Variants in APLP2 observed in about 807,000 individuals in gnomAD.
The protein encoded by APLP2 is amyloid beta precursor like protein 2, also known as CDEI box-binding protein.
A neutral mutation model predicts 89.9 loss-of-function variants in APLP2; 53 were observed. That is an observed-to-expected ratio of 0.59 (90% CI 0.47 to 0.74). The LOEUF is 0.74. Among genes scored for constraint, APLP2 ranks in the 30% least tolerant of loss-of-function variants. The pLI, the probability that APLP2 is intolerant of heterozygous loss-of-function variation, is 0.00. For synonymous variants in APLP2, 372 were observed against 348.6 expected (o/e 1.07, Z -0.75); for missense variants, 973 against 975.9 (o/e 1.00, Z 0.04).
intron 12 of APLP2, among the ~76,000 whole-genome samples, chr11:130,133,947 GC>G (rs1231780022): frequency 6.6e-6 from 1 of 152,214 alleles, no homozygotes; most frequent in Non-Finnish European, 1.5e-5. Context: ...GGAGCCTCGG[GC>G]TTCACTGACC....
Position 130,121,775 on chromosome 11 carries a change from G to GGAAGAT in APLP2, c.684_689dup (p.Asp228_Glu229dup). Reference sequence around the variant, plus strand: ...AGGAAGATGAAGAGGAAGAGGAAGAGGAAGATGAAGAGGAAGACTATGATG... The same window carrying GGAAGAT: ...AGGAAGATGAAGAGGAAGAGGAAGAGGAAGATGAAGATGAAGAGGAAGACTATGATG... On this transcript the variant is annotated inframe_insertion, in exon 5 of 17. Coordinates refer to ENST00000338167, the MANE Select transcript of APLP2 (RefSeq NM_001142276.2). The GGAAGAT allele has an allele frequency of 6.8e-7, 1 of 1,468,850 alleles. No individual in the cohort carries two copies. Among genetic ancestry groups the GGAAGAT allele is most frequent in the Non-Finnish European group, 9.4e-7 (1 of 1,066,554 alleles). 91.0% of individuals were successfully genotyped at this position (1,468,850 alleles called of 1,614,324 possible).
intron 1 of APLP2, among the ~76,000 whole-genome samples, chr11:130,088,467 G>C (rs890731559): frequency 1.3e-5 from 2 of 151,928 alleles, no homozygotes; most frequent in Non-Finnish European, 2.9e-5. Context: ...GAATCATCTA[G>C]GCATATAAAC....
At chr11:130,072,531 A>G (rs1649018090) in intron 1 of APLP2, among the ~76,000 whole-genome samples, 1 of 145,496 alleles carries the variant, frequency 6.9e-6, no homozygotes, top group Non-Finnish European at 1.5e-5. Flanking sequence ...CTGGAGTGCA[A>G]TGGTGGGATC....
At chr11:130,104,434 GTC>G (rs1460980918) in intron 1 of APLP2, among the ~76,000 whole-genome samples, 1 of 151,858 alleles carries the variant, frequency 6.6e-6, no homozygotes, top group Non-Finnish European at 1.5e-5. Flanking sequence ...GGCCAGGCTG[GTC>G]TCGAGCTCCT....
chr11:130,070,972 C>A (rs1940945892), intron 1 of APLP2, among the ~76,000 whole-genome samples: 1 of 152,172 alleles, frequency 6.6e-6, no homozygotes, highest in Admixed American at 6.5e-5. Flanking sequence ...CGGTGCGGGC[C>A]GGAGCGGGCA....
At chr11:130,070,836 G>T in intron 1 of APLP2, 1 of 1,158,746 alleles carries the variant, frequency 8.6e-7, no homozygotes, top group Non-Finnish European at 1.1e-6. Flanking sequence ...TCCTCTTCGG[G>T]TGTCAGAATT....
At chr11:130,080,179 C>CAAAG (rs1942908571) in intron 1 of APLP2, among the ~76,000 whole-genome samples, 2 of 152,056 alleles carry the variant, frequency 1.3e-5, no homozygotes, top group Non-Finnish European at 2.9e-5. Context: ...TTAATAGCCT[C>CAAAG]CTAAGTTTTG....
chr11:130,135,865 T>A (rs1467897806), intron 13 of APLP2, 150 bp downstream of exon 13: 8 of 926,446 alleles, frequency 8.6e-6, no homozygotes, highest in Non-Finnish European at 1.1e-5. Context: ...GAGCGCCTAC[T>A]GTGTGCAAGG....
intron 16 of APLP2, among the ~76,000 whole-genome samples, chr11:130,142,700 G>T (rs1391851173): frequency 6.6e-6 from 1 of 152,166 alleles, no homozygotes; most frequent in African/African-American, 2.4e-5. Context: ...TGCAACCTCT[G>T]TCTCCCGGGT....
At chr11:130,076,686 G>A (rs1242441247) in intron 1 of APLP2, among the ~76,000 whole-genome samples, 1 of 152,108 alleles carries the variant, frequency 6.6e-6, no homozygotes, top group Non-Finnish European at 1.5e-5. Context: ...TGCCTTCCTT[G>A]GGCACACTCC....
chr11:130,080,676 G>A (rs547548385), intron 1 of APLP2, among the ~76,000 whole-genome samples: 2 of 150,626 alleles, frequency 1.3e-5, no homozygotes, highest in African/African-American at 4.9e-5. Context: ...GTGGAGTCCT[G>A]TCAGTTTCTG....
chr11:130,121,964 T>C (rs1030849883), intron 5 of APLP2, among the ~76,000 whole-genome samples, 154 bp downstream of exon 5: 2 of 152,212 alleles, frequency 1.3e-5, no homozygotes, highest in Non-Finnish European at 2.9e-5. Context: ...TTCTAGCCAT[T>C]GCCAATCACA....
chr11:130,126,475 A>G (rs1950375356), intron 7 of APLP2, among the ~76,000 whole-genome samples: 1 of 152,194 alleles, frequency 6.6e-6, no homozygotes. Flanking sequence ...GAAGCTGCCA[A>G]TAAATTGCTG....
intron 7 of APLP2, among the ~76,000 whole-genome samples, chr11:130,125,647 T>C (rs978182844): frequency 6.6e-6 from 1 of 152,244 alleles, no homozygotes; most frequent in Non-Finnish European, 1.5e-5. Context: ...TATATGGTTG[T>C]TTTAATGTAT....
At chr11:130,126,109 A>G (rs758414888) in intron 7 of APLP2, among the ~76,000 whole-genome samples, 25 of 152,324 alleles carry the variant, frequency 1.6e-4, no homozygotes, top group Middle Eastern at 6.8e-3. Flanking sequence ...GGTGGGGCTA[A>G]GAGTCCTTCA....
chr11:130,122,183 G>A (rs1949900385), intron 5 of APLP2, 122 bp from the exon 6 acceptor site: 1 of 1,197,698 alleles, frequency 8.3e-7, no homozygotes, highest in Non-Finnish European at 1.2e-6. Flanking sequence ...GTGGCACGGT[G>A]AAATGTGCGT....
At chr11:130,119,463 C>T (rs371229086) in intron 3 of APLP2, among the ~76,000 whole-genome samples, 14 of 152,322 alleles carry the variant, frequency 9.2e-5, no homozygotes, top group South Asian at 4.1e-4. Flanking sequence ...ATACCGTTCA[C>T]CCTCACGTAC....
At chr11:130,102,653 C>G (rs1343111639) in intron 1 of APLP2, among the ~76,000 whole-genome samples, 1 of 152,156 alleles carries the variant, frequency 6.6e-6, no homozygotes, top group Non-Finnish European at 1.5e-5. Context: ...GGGAGGTAGG[C>G]TTAGATGAGC....
At chr11:130,105,524 CCCT>C (rs1198600760) in intron 1 of APLP2, among the ~76,000 whole-genome samples, 19 of 152,090 alleles carry the variant, frequency 1.2e-4, no homozygotes, top group African/African-American at 4.3e-4. Flanking sequence ...TATAATCTAA[CCCT>C]CCTCCTCTAC....
Sources: allele counts gnomAD v4.1 joint callset (sites outside exome capture counted in the v4.1 genomes callset), GRCh38; gene constraint gnomAD v4.1.1; transcripts MANE v1.5; gene names NCBI Gene and HGNC (gene_info 2026-07-23, HGNC 2026-07-21).